Variants in MYH9 observed in about 807,000 individuals in gnomAD.
The protein encoded by MYH9 is myosin-9.
MYH9 carries 29 observed loss-of-function variants against 241.9 expected under a neutral mutation model. That is an observed-to-expected ratio of 0.12 (90% CI 0.09 to 0.16). The LOEUF is 0.16. MYH9 is among the 10% of genes least tolerant of loss of function. The pLI is 1.00. For synonymous variants in MYH9, 1,047 were observed against 1,062.6 expected (o/e 0.99, Z 0.29); for missense variants, 1,803 against 2,595.5 (o/e 0.69, Z 6.63).
rs1318687756 is a variant in MYH9, at chr22:36,300,086, G to T, written c.2976+41C>A. 2.5e-6 allele frequency: 4 copies of T among 1,604,468 alleles called. No homozygotes were observed. Among genetic ancestry groups the T allele is most frequent in the Non-Finnish European group, 3.4e-6 (4 of 1,179,804 alleles). On this transcript the variant is annotated intron_variant, in intron 23 of 40. Coordinates refer to ENST00000216181, the MANE Select transcript of MYH9 (RefSeq NM_002473.6). The surrounding 1 kb of genome is among the most constrained non-coding windows in gnomAD (Gnocchi z 5.0). Reference sequence around the variant, plus strand: ...GGGTGACCACACTCTCCCATCCACGGCGCCCCTGGAGCAGCGGCAGGCGAC... The same window carrying T: ...GGGTGACCACACTCTCCCATCCACGTCGCCCCTGGAGCAGCGGCAGGCGAC...
At chr22:36,362,058 G>A (rs186957500) in intron 1 of MYH9, among the ~76,000 whole-genome samples, 2 of 152,192 alleles carry the variant, frequency 1.3e-5, no homozygotes, top group African/African-American at 4.8e-5. Flanking sequence ...GACAGAGCGA[G>A]ACTCTGCCTC....
chr22:36,299,155 G>A (rs41280001), intron 23 of MYH9, 113 bp from the exon 24 acceptor site: 28 of 1,372,870 alleles, frequency 2.0e-5, no homozygotes, highest in East Asian at 1.6e-4. Flanking sequence ...GGCTTTAGAC[G>A]CTTGATCAAG....
intron 1 of MYH9, among the ~76,000 whole-genome samples, chr22:36,385,791 C>T (rs1047490518): frequency 2.6e-5 from 4 of 152,174 alleles, no homozygotes; most frequent in African/African-American, 4.8e-5. Context: ...TCATCCAGAG[C>T]GCAGTGGCTC....
chr22:36,294,037 C>T (rs2146337241), intron 28 of MYH9, 55 bp downstream of exon 28: 14 of 1,590,960 alleles, frequency 8.8e-6, no homozygotes, highest in East Asian at 6.7e-5. Context: ...GGGACCTGGG[C>T]CACAACTGCT....
intron 34 of MYH9, 169 bp from the exon 35 acceptor site, chr22:36,287,015 T>C (rs534922877): frequency 7.2e-5 from 62 of 860,012 alleles, no homozygotes; most frequent in Middle Eastern, 3.5e-4. Flanking sequence ...CAATCATCTG[T>C]GTATCCCACC....
At position 36,285,439 on chromosome 22, in the gene MYH9, G is replaced by C. The variant is rs947302818; in HGVS notation, c.5275-110C>G. The C allele has an allele frequency of 2.2e-6, 3 of 1,359,574 alleles. No individual in the cohort carries two copies. In the African/African-American group the frequency reaches 4.3e-5, roughly 19 times the overall value. The allele number at this position is 1,359,574 out of a possible 1,614,324, so 84.2% of individuals were successfully genotyped here. A position where few individuals can be genotyped will look rare whatever the true frequency, so the allele number is the denominator to read the frequency against. On this transcript the variant is annotated intron_variant, in intron 37 of 40. Coordinates refer to ENST00000216181, the MANE Select transcript of MYH9 (RefSeq NM_002473.6). This position sits in a 1 kb window ranked among gnomAD's most constrained non-coding sequence, Gnocchi z 7.0. ...GATCCCACCAAACCCTTGGGGTCCA[G>C]AGTCTTGGGTCTCCCAGAAAAGGGA... is the stretch of plus-strand genomic sequence containing the variant.
At chr22:36,287,663 A>C (rs1603482771) in intron 34 of MYH9, among the ~76,000 whole-genome samples, 3 of 151,714 alleles carry the variant, frequency 2.0e-5, no homozygotes, top group Non-Finnish European at 4.4e-5. Context: ...AATGGCGTGA[A>C]CCCGGGAGGC....
rs2016630853 is a variant in MYH9 at position 36,288,649 on chromosome 22, G to A, written c.4770+78C>T. On this transcript the variant is annotated intron_variant, in intron 33 of 40. Transcript: ENST00000216181. The surrounding 1 kb of genome is among the most constrained non-coding windows in gnomAD (Gnocchi z 4.8). ...GTCAAGGGGCCCTAACACAATCCAG[G>A]TGGAAGGAGAGAACAGAAGCCTGCG... The A allele has an allele frequency of 2.6e-6, 4 of 1,547,056 alleles. No homozygotes were observed. The highest frequency in any genetic ancestry group is 3.5e-6 in the Non-Finnish European group (4 of 1,133,336).
chr22:36,305,045 C>A lies in MYH9; in HGVS notation c.2217G>T (p.Ala739=). ...IPKGFMDGKQ[A]CVLMIKALEL... ...CAGCTCAACTCACCATGAGCACGCA[C>A]GCCTGCTTCCCGTCCATGAAACCCT... The change falls in exon 18 of 41, where the codon GCG becomes GCT. Residue 739 remains alanine, a synonymous_variant. Coordinates refer to ENST00000216181, the MANE Select transcript of MYH9 (RefSeq NM_002473.6). This position sits in a 1 kb window ranked among gnomAD's most constrained non-coding sequence, Gnocchi z 4.7. 6.2e-7 allele frequency: 1 copy of A among 1,613,994 alleles called. No individual in the cohort carries two copies. Among genetic ancestry groups the A allele is most frequent in the Non-Finnish European group, 8.5e-7 (1 of 1,179,906 alleles).
intron 1 of MYH9, among the ~76,000 whole-genome samples, chr22:36,360,541 G>A (rs921808922): frequency 5.3e-5 from 8 of 151,752 alleles, no homozygotes; most frequent in Non-Finnish European, 7.4e-5. Flanking sequence ...GTGAAACCCC[G>A]TCTCTACTAA....
intron 5 of MYH9, among the ~76,000 whole-genome samples, chr22:36,326,280 C>A (rs958277768): frequency 6.6e-6 from 1 of 152,240 alleles, no homozygotes; most frequent in Non-Finnish European, 1.5e-5. Flanking sequence ...GGAGGACACA[C>A]AGCAACGAGC....
intron 1 of MYH9, among the ~76,000 whole-genome samples, chr22:36,353,291 G>T (rs1018446019): frequency 6.6e-6 from 1 of 152,148 alleles, no homozygotes; most frequent in Non-Finnish European, 1.5e-5. Context: ...CCGGGAGGTA[G>T]TCTATCAAAC....
At chr22:36,352,076 C>T (rs1464336132) in intron 1 of MYH9, among the ~76,000 whole-genome samples, 1 of 152,232 alleles carries the variant, frequency 6.6e-6, no homozygotes, top group Non-Finnish European at 1.5e-5. Context: ...GAGTGGGACG[C>T]TAACCCAGGG....
chr22:36,320,361 C>A lies in MYH9; in HGVS notation c.871G>T (p.Asp291Tyr). The change falls in exon 9 of 41, where the codon GAT becomes TAT. Residue 291 changes from aspartate to tyrosine, a missense_variant and splice_region_variant. This residue lies in a region of MYH9 where 222 missense variants were observed against 359.9 expected (regional missense o/e 0.62). Coordinates refer to ENST00000216181, the MANE Select transcript of MYH9 (RefSeq NM_002473.6). This position sits in a 1 kb window ranked among gnomAD's most constrained non-coding sequence, Gnocchi z 4.8. The part of the protein sequence containing the change: ...LSGAGEHLKT[D>Y]LLLEPYNKYR... ...TTGTTGTACGGCTCCAACAGGAGAT[C>A]GGCTGTAAGGGGTGGAGGGCAAGGG... The A allele has an allele frequency of 6.2e-7, 1 of 1,613,372 alleles. No individual in the cohort carries two copies. The highest frequency in any genetic ancestry group is 1.3e-5 in the African/African-American group (1 of 75,018).
rs569401169 is a variant in MYH9, at chr22:36,285,338, G to T, written c.5275-9C>A. The T allele has an allele frequency of 1.2e-6, 2 of 1,606,554 alleles. No homozygotes were observed. The highest frequency in any genetic ancestry group is 2.7e-5 in the African/African-American group (2 of 75,024). On this transcript the variant is annotated splice_polypyrimidine_tract_variant and intron_variant, in intron 37 of 40. Transcript: ENST00000216181. This position sits in a 1 kb window ranked among gnomAD's most constrained non-coding sequence, Gnocchi z 7.0. The stretch of plus-strand genomic sequence containing the variant: ...GTGTTGATCTGGTCGATCTGCAGAA[G>T]AAGGGCCAGTGACCTTGGGGAGGGC...
At chr22:36,386,747 G>A (rs1310093041) in intron 1 of MYH9, among the ~76,000 whole-genome samples, 3 of 152,248 alleles carry the variant, frequency 2.0e-5, no homozygotes, top group African/African-American at 7.2e-5. Context: ...AGTGCTGGGG[G>A]TGCTGAGTCT....
At chr22:36,378,011 A>C (rs1182753409) in intron 1 of MYH9, among the ~76,000 whole-genome samples, 2 of 151,952 alleles carry the variant, frequency 1.3e-5, no homozygotes. Context: ...GAGGTGGCTC[A>C]CACCTGTAAT....
intron 34 of MYH9, among the ~76,000 whole-genome samples, chr22:36,287,633 T>C (rs1221689324): frequency 6.6e-6 from 1 of 152,076 alleles, no homozygotes; most frequent in East Asian, 1.9e-4. Context: ...TCCCAGCTGC[T>C]GGGGAGGCTG....
chr22:36,317,248 GT>G (rs1423948304), intron 11 of MYH9, among the ~76,000 whole-genome samples: 1 of 151,982 alleles, frequency 6.6e-6, no homozygotes, highest in Non-Finnish European at 1.5e-5. Flanking sequence ...CCTCTTCTTT[GT>G]TTTGCACATT....
Sources: allele counts gnomAD v4.1 joint callset (sites outside exome capture counted in the v4.1 genomes callset), GRCh38; gene constraint gnomAD v4.1.1; regional missense constraint gnomAD v4.1.1; non-coding constraint Gnocchi (gnomAD v3.1); transcripts MANE v1.5; gene names NCBI Gene and HGNC (gene_info 2026-07-23, HGNC 2026-07-21).